Variants in RAB21 observed in about 807,000 individuals in gnomAD.
The protein encoded by RAB21 is RAB21, member RAS oncogene family.
RAB21 carries 13 observed loss-of-function variants against 33.1 expected under a neutral mutation model. That is an observed-to-expected ratio of 0.39 (90% CI 0.26 to 0.62). RAB21 has a LOEUF of 0.62. Ranked by LOEUF, RAB21 falls within the 20% of genes least tolerant of loss-of-function variation. RAB21 has a pLI of 0.48. For missense variants in RAB21, 234 were observed against 279.1 expected (o/e 0.84, Z 1.15); for synonymous variants, 91 against 103.7 (o/e 0.88, Z 0.74).
chr12:71,777,401 A>C (rs1231466073), intron 4 of RAB21, among the ~76,000 whole-genome samples: 1 of 152,162 alleles, frequency 6.6e-6, no homozygotes, highest in Non-Finnish European at 1.5e-5. Flanking sequence ...GCTGTCTAAT[A>C]CTTTAATCTA....
intron 4 of RAB21, among the ~76,000 whole-genome samples, chr12:71,780,090 TTTA>T (rs1883176012): frequency 6.6e-6 from 1 of 152,244 alleles, no homozygotes; most frequent in South Asian, 2.1e-4. Flanking sequence ...AAGATAGCTA[TTTA>T]TTAATGGCCT....
chr12:71,795,868 A>G lies in RAB21; in HGVS notation c.*10195A>G, dbSNP rs1206768270. The G allele has an allele frequency of 1.4e-5, 2 of 138,012 alleles. No individual in the cohort carries two copies. The highest frequency in any genetic ancestry group is 1.5e-5 in the Non-Finnish European group (1 of 66,116). 8.5% of individuals were successfully genotyped at this position (138,012 alleles called of 1,614,324 possible). ...TATATGTGAAGTTTTTTACTTCTTC[A>G]GTTTTTCAAGATAATTTTGCTGTTT... is the stretch of plus-strand genomic sequence containing the variant. On this transcript the variant is annotated 3_prime_UTR_variant, in exon 7 of 7. Transcript: ENST00000261263.
chr12:71,773,722 A>T (rs1374589767), intron 3 of RAB21, among the ~76,000 whole-genome samples: 1 of 152,202 alleles, frequency 6.6e-6, no homozygotes, highest in Non-Finnish European at 1.5e-5. Context: ...TGGAAGACTG[A>T]TGCAAATTTA....
intron 1 of RAB21, 39 bp downstream of exon 1, chr12:71,755,327 C>T (rs1252413202): frequency 2.1e-6 from 3 of 1,461,962 alleles, no homozygotes; most frequent in Admixed American, 2.9e-5. Flanking sequence ...GCCTCAGGGC[C>T]CCTACCCCTC....
At chr12:71,758,362 A>C (rs964454246) in intron 1 of RAB21, among the ~76,000 whole-genome samples, 3 of 151,588 alleles carry the variant, frequency 2.0e-5, no homozygotes, top group Non-Finnish European at 2.9e-5. Flanking sequence ...TTTCAGTCCT[A>C]ATTCTCCCCA....
intron 4 of RAB21, among the ~76,000 whole-genome samples, chr12:71,777,444 GATGGACATTTGC>G: frequency 6.6e-6 from 1 of 152,032 alleles, no homozygotes; most frequent in African/African-American, 2.4e-5. Flanking sequence ...TTTTGCTATT[GATGGACATTTGC>G]ATTGTTTTTC....
At chr12:71,770,265 G>A (rs1346658004) in intron 2 of RAB21, among the ~76,000 whole-genome samples, 1 of 152,164 alleles carries the variant, frequency 6.6e-6, no homozygotes, top group Non-Finnish European at 1.5e-5. Flanking sequence ...TTAGGGCAGA[G>A]CCTATTCCTG....
intron 1 of RAB21, 50 bp from the exon 2 acceptor site, chr12:71,769,750 A>G (rs1190400675): frequency 1.0e-6 from 1 of 993,474 alleles, no homozygotes; most frequent in Non-Finnish European, 1.4e-6. Context: ...GTTAGGATAA[A>G]GAACCTTATT....
rs899546187 is a variant in RAB21 at position 71,787,682 on chromosome 12, T to C, written c.*2009T>C. The C allele has an allele frequency of 6.6e-6, 1 of 152,210 alleles. No homozygotes were observed. The highest frequency in any genetic ancestry group is 1.5e-5 in the Non-Finnish European group (1 of 68,032). 9.4% of individuals were successfully genotyped at this position (152,210 alleles called of 1,614,324 possible). On this transcript the variant is annotated 3_prime_UTR_variant, in exon 7 of 7. Coordinates refer to ENST00000261263, the MANE Select transcript of RAB21 (RefSeq NM_014999.4). ...GAGCCTTCACTTTACCTTCTTTAAT[T>C]ATTGTCCTTGCTAAACTCAACACAG...
chr12:71,755,828 A>G (rs1882777377), intron 1 of RAB21, among the ~76,000 whole-genome samples: 1 of 152,098 alleles, frequency 6.6e-6, no homozygotes, highest in Non-Finnish European at 1.5e-5. Context: ...ACGCAGTTTC[A>G]TTGCAGCCTG....
intron 4 of RAB21, among the ~76,000 whole-genome samples, chr12:71,781,764 G>C (rs896652700): frequency 6.6e-6 from 1 of 152,154 alleles, no homozygotes; most frequent in Non-Finnish European, 1.5e-5. Flanking sequence ...TCAAAAAAGA[G>C]TGCCTGTCTC....
intron 4 of RAB21, among the ~76,000 whole-genome samples, chr12:71,780,287 T>A (rs1187631262): frequency 6.6e-6 from 1 of 152,174 alleles, no homozygotes; most frequent in African/African-American, 2.4e-5. Context: ...TAGAAAAAAA[T>A]TCCATAGGGT....
chr12:71,783,974 A>G (rs1408441291), intron 6 of RAB21, among the ~76,000 whole-genome samples: 1 of 151,994 alleles, frequency 6.6e-6, no homozygotes, highest in African/African-American at 2.4e-5. Flanking sequence ...CCACATGTTT[A>G]TTTAGAAATT....
At chr12:71,764,231 T>G (rs760395456) in intron 1 of RAB21, among the ~76,000 whole-genome samples, 6 of 152,178 alleles carry the variant, frequency 3.9e-5, no homozygotes, top group Non-Finnish European at 8.8e-5. Context: ...ATGAGTGGTG[T>G]TCTGGGGAGT....
intron 1 of RAB21, among the ~76,000 whole-genome samples, chr12:71,756,628 A>T (rs1882789466): frequency 6.6e-6 from 1 of 152,220 alleles, no homozygotes. Context: ...TTTTTAAAAA[A>T]TCCTTGTACC....
chr12:71,762,576 A>C (rs1882891152), intron 1 of RAB21, among the ~76,000 whole-genome samples: 1 of 151,388 alleles, frequency 6.6e-6, no homozygotes, highest in African/African-American at 2.4e-5. Flanking sequence ...AAGTGCTGGG[A>C]TAGGTTTTGT....
rs759717672 is a variant in RAB21 at position 71,791,013 on chromosome 12, C to G, written c.*5340C>G. 1 of 151,914 alleles carries G rather than the reference C, an allele frequency of 6.6e-6. No homozygotes were observed. Among genetic ancestry groups the G allele is most frequent in the Non-Finnish European group, 1.5e-5 (1 of 68,002 alleles). The allele number at this position is 151,914 out of a possible 1,614,324, so 9.4% of individuals were successfully genotyped here. ...TTATTTCATTTTTTTGAGACAGTCT[C>G]GCTGTGTCACCCAGGCTGGAGTGTG... On this transcript the variant is annotated 3_prime_UTR_variant, in exon 7 of 7. Coordinates refer to ENST00000261263, the MANE Select transcript of RAB21 (RefSeq NM_014999.4).
rs1056684312 is a variant in RAB21 at position 71,788,534 on chromosome 12, C to G, written c.*2861C>G. 1 of 152,006 alleles carries G rather than the reference C, an allele frequency of 6.6e-6. No individual in the cohort carries two copies. Among genetic ancestry groups the G allele is most frequent in the African/African-American group, 2.4e-5 (1 of 41,412 alleles). 9.4% of individuals were successfully genotyped at this position (152,006 alleles called of 1,614,324 possible). Reference sequence around the variant, plus strand: ...AAGGAAAGACAAAGAGATGATAAACCAAGGCTGAGGAAATTTTTCTGATGC... The same window carrying G: ...AAGGAAAGACAAAGAGATGATAAACGAAGGCTGAGGAAATTTTTCTGATGC... On this transcript the variant is annotated 3_prime_UTR_variant, in exon 7 of 7. Transcript: ENST00000261263.
At chr12:71,770,304 C>T (rs753575064) in intron 2 of RAB21, among the ~76,000 whole-genome samples, 32 of 152,186 alleles carry the variant, frequency 2.1e-4, no homozygotes, top group Non-Finnish European at 4.0e-4. Context: ...GTTGTTTTGA[C>T]CCTCTGGCAA....
Sources: gnomAD v4.1 joint callset for allele counts (sites outside exome capture counted in the v4.1 genomes callset) on GRCh38, gnomAD v4.1.1 for gene constraint, MANE v1.5 for transcripts, NCBI Gene and HGNC (gene_info 2026-07-23, HGNC 2026-07-21) for gene names.